The following IPO8 variants were observed in gnomAD, a reference collection of about 807,000 sequenced individuals.
The protein encoded by IPO8 is importin-8.
Under a neutral mutation model 141.2 loss-of-function variants are expected in IPO8, and 65 were observed. The ratio of observed to expected loss-of-function variants is 0.46; its 90% CI spans 0.38 to 0.57. The LOEUF (loss-of-function observed/expected upper bound fraction) is 0.57, where lower values mean the gene tolerates loss of function less well. IPO8 is among the 20% of genes least tolerant of loss of function. The probability of loss-of-function intolerance (pLI) is 0.00; values close to 1 mark genes in which losing one functional copy is unlikely to be tolerated. For missense variants in IPO8, 980 were observed against 1,246.8 expected, an observed-to-expected ratio of 0.79 and a Z score of 3.22; for synonymous variants, 411 against 420.3, an observed-to-expected ratio of 0.98 and a Z score of 0.27.
chr12:30,640,702 A>T (rs1445933370), intron 20 of IPO8, among the ~76,000 whole-genome samples: 3 of 152,216 alleles, frequency 2.0e-5, no homozygotes, highest in African/African-American at 7.2e-5. Context: ...AAGAAAATAT[A>T]AATTAAGTTT....
Position 30,665,767 on chromosome 12 carries a change from G to A in IPO8, c.1300C>T (p.Leu434=). 1.2e-6 allele frequency: 2 copies of A among 1,613,124 alleles called. No homozygotes were observed. Among genetic ancestry groups the A allele is most frequent in the South Asian group, 2.2e-5 (2 of 91,044 alleles). ...NFDPRKKDGA[L]HVIGSLAEIL... ...TCAGCTAGGGAACCAATCACATGCA[G>A]GGCTCCATCTTTCTTCCTAGGGTCA... The change falls in exon 12 of 25, where the codon CTG becomes TTG. Residue 434 remains leucine (L), a synonymous_variant. Coordinates refer to ENST00000256079, the MANE Select transcript of IPO8 (RefSeq NM_006390.4).
At chr12:30,665,512 T>G (rs966484649) in intron 12 of IPO8, among the ~76,000 whole-genome samples, 1 of 152,240 alleles carries the variant, frequency 6.6e-6, no homozygotes, top group Non-Finnish European at 1.5e-5. Flanking sequence ...CATAAGATAC[T>G]TTGTATCCCT....
chr12:30,650,857 G>T (rs891949456), intron 19 of IPO8, among the ~76,000 whole-genome samples: 6 of 151,954 alleles, frequency 3.9e-5, no homozygotes, highest in African/African-American at 1.4e-4. Context: ...CCTCAGCATA[G>T]TGCAAGAAAC....
rs915764547 is a variant in IPO8 at position 30,695,416 on chromosome 12, G to A, written c.84+148C>T. ...GAGCCCTGCTCCACTGGACCGGGGG[G>A]CAGCGGGGTCGGAGAGCGGGACCAG... On this transcript the variant is annotated intron_variant, in intron 1 of 24. Transcript: ENST00000256079. The surrounding 1 kb of genome is among the most constrained non-coding windows in gnomAD (Gnocchi z 4.2). 61 of 645,652 alleles carry A rather than the reference G, an allele frequency of 9.4e-5. No individual in the cohort carries two copies. Among genetic ancestry groups the A allele is most frequent in the Non-Finnish European group, 1.6e-4 (57 of 367,674 alleles). The allele number at this position is 645,652 out of a possible 1,614,324, so 40.0% of individuals were successfully genotyped here. A position where few individuals can be genotyped will look rare whatever the true frequency, so the allele number is the denominator to read the frequency against.
chr12:30,689,918 T>C (rs1024317421), intron 2 of IPO8, among the ~76,000 whole-genome samples: 2 of 152,176 alleles, frequency 1.3e-5, no homozygotes, highest in Admixed American at 1.3e-4. Flanking sequence ...TTCATGATAC[T>C]CTAAGGCTCT....
intron 10 of IPO8, 70 bp from the exon 11 acceptor site, chr12:30,666,321 T>G: frequency 8.5e-7 from 1 of 1,175,418 alleles, no homozygotes; most frequent in South Asian, 1.5e-5. Flanking sequence ...TAAACCTGAC[T>G]GACCGCTATT....
chr12:30,692,466 T>TA (rs1181865328), intron 1 of IPO8, among the ~76,000 whole-genome samples: 7 of 152,222 alleles, frequency 4.6e-5, no homozygotes, highest in South Asian at 2.1e-4. Context: ...CAGAAATAGT[T>TA]ACTCAATTTC....
At chr12:30,649,303 A>C in intron 19 of IPO8, 71 bp from the exon 20 acceptor site, 2 of 1,020,588 alleles carry the variant, frequency 2.0e-6, no homozygotes, top group East Asian at 2.6e-5. Flanking sequence ...ACATGCACAA[A>C]TGTCCCATAT....
At chr12:30,677,149 C>G (rs751792304) in intron 5 of IPO8, 45 of 1,315,234 alleles carry the variant, frequency 3.4e-5, no homozygotes, top group Non-Finnish European at 4.7e-5. Flanking sequence ...AATCTTTGCC[C>G]TCACGAAGCT....
chr12:30,695,444 G>C lies in IPO8; in HGVS notation c.84+120C>G. On this transcript the variant is annotated intron_variant, in intron 1 of 24. Coordinates refer to ENST00000256079, the MANE Select transcript of IPO8 (RefSeq NM_006390.4). This position sits in a 1 kb window ranked among gnomAD's most constrained non-coding sequence, Gnocchi z 4.2. ...GCGGGGTCGGAGAGCGGGACCAGCCGTGAGGCGTCAGCCCCAGCCCGGTGG... is the reference window on the plus strand; with the variant it reads ...GCGGGGTCGGAGAGCGGGACCAGCCCTGAGGCGTCAGCCCCAGCCCGGTGG... 2.5e-6 allele frequency: 2 copies of C among 795,228 alleles called. No individual in the cohort carries two copies. 49.3% of individuals were successfully genotyped at this position (795,228 alleles called of 1,614,324 possible). A position where few individuals can be genotyped will look rare whatever the true frequency, so the allele number is the denominator to read the frequency against.
At chr12:30,679,952 G>T (rs1451625852) in intron 5 of IPO8, among the ~76,000 whole-genome samples, 1 of 151,308 alleles carries the variant, frequency 6.6e-6, no homozygotes, top group African/African-American at 2.4e-5. Flanking sequence ...ATTTCTTTCC[G>T]GATTCCCATG....
chr12:30,693,760 T>C (rs1029368033), intron 1 of IPO8, among the ~76,000 whole-genome samples: 6 of 152,214 alleles, frequency 3.9e-5, no homozygotes, highest in African/African-American at 9.6e-5. Flanking sequence ...ATGAGTGGTA[T>C]AGCAATAAGC....
chr12:30,694,909 G>A (rs2053322556), intron 1 of IPO8: 5 of 447,692 alleles, frequency 1.1e-5, no homozygotes, highest in African/African-American at 6.0e-5. Flanking sequence ...AGGAAGAACA[G>A]GAGACGGAGA....
At chr12:30,669,148 C>T (rs1280591116) in intron 10 of IPO8, 35 bp downstream of exon 10, 3 of 900,740 alleles carry the variant, frequency 3.3e-6, no homozygotes, top group Non-Finnish European at 5.2e-6. Context: ...TTTACATATC[C>T]AGGAACTGAT....
chr12:30,646,728 G>A lies in IPO8; in HGVS notation c.2268+2409C>T, dbSNP rs549905839. Among the ~76,000 whole-genome samples, 30 of 151,966 alleles carry A rather than the reference G, an allele frequency of 2.0e-4. No homozygotes were observed. The South Asian group carries it at 5.2e-3, about 26-fold the overall frequency. On this transcript the variant is annotated intron_variant, in intron 20 of 24. Coordinates refer to ENST00000256079, the MANE Select transcript of IPO8 (RefSeq NM_006390.4). ...ATAAAACAACTCCATTTACAATAGC[G>A]TCAAAAAGAAAATATATAAAAATAT...
chr12:30,684,499 G>C, intron 2 of IPO8, 42 bp from the exon 3 acceptor site: 1 of 1,598,360 alleles, frequency 6.3e-7, no homozygotes, highest in Non-Finnish European at 8.6e-7. Flanking sequence ...TACCAAAAAG[G>C]ATGGCTTTAA....
At chr12:30,691,749 A>G (rs974182979) in intron 1 of IPO8, among the ~76,000 whole-genome samples, 1 of 152,226 alleles carries the variant, frequency 6.6e-6, no homozygotes. Flanking sequence ...TCATTTTTTT[A>G]AATTAAAATC....
At chr12:30,674,782 G>A in intron 6 of IPO8, 29 bp from the exon 7 acceptor site, 1 of 1,384,456 alleles carries the variant, frequency 7.2e-7, no homozygotes, top group Non-Finnish European at 1.0e-6. Context: ...CCAGATTAAA[G>A]TTCTGCATAA....
intron 2 of IPO8, among the ~76,000 whole-genome samples, chr12:30,686,007 T>C: frequency 6.6e-6 from 1 of 152,006 alleles, no homozygotes; most frequent in East Asian, 1.9e-4. Context: ...TTTAGTGAAA[T>C]TATGAACTTG....
Sources: gnomAD v4.1 joint callset for allele counts (sites outside exome capture counted in the v4.1 genomes callset) on GRCh38, gnomAD v4.1.1 for gene constraint, Gnocchi (gnomAD v3.1) non-coding constraint, MANE v1.5 for transcripts, NCBI Gene and HGNC (gene_info 2026-07-23, HGNC 2026-07-21) for gene names.